The following IL1RAPL1 variants were observed in gnomAD, a reference collection of about 807,000 sequenced individuals.
IL1RAPL1 encodes the protein interleukin 1 receptor accessory protein like 1.
A neutral mutation model predicts 48.4 loss-of-function variants in IL1RAPL1; 3 were observed. That is an observed-to-expected ratio of 0.06 (90% confidence interval 0.03 to 0.16). The LOEUF is 0.16. IL1RAPL1 is among the 10% of genes least tolerant of loss of function. IL1RAPL1 has a pLI of 1.00. For missense variants in IL1RAPL1, 349 were observed against 530.6 expected, an observed-to-expected ratio of 0.66 and a Z score of 3.36; for synonymous variants, 185 against 187.7, an observed-to-expected ratio of 0.99 and a Z score of 0.12.
intron 3 of IL1RAPL1, among the ~76,000 whole-genome samples, chrX:29,395,711 A>G (rs918141899): frequency 8.9e-6 from 1 of 111,790 alleles, no homozygotes; most frequent in Non-Finnish European, 1.9e-5. Context: ...TTATCCAAGA[A>G]TGTGTTCTGC....
chrX:29,568,549 C>T (rs920858906), intron 5 of IL1RAPL1, among the ~76,000 whole-genome samples: 2 of 110,699 alleles, frequency 1.8e-5, no homozygotes, highest in Non-Finnish European at 3.8e-5. Flanking sequence ...ATTTCAACAG[C>T]ATTGAAATGG....
chrX:29,797,733 C>A (rs745610888), intron 6 of IL1RAPL1, among the ~76,000 whole-genome samples: 1 of 110,426 alleles, frequency 9.1e-6, no homozygotes, highest in Non-Finnish European at 1.9e-5. Flanking sequence ...ATTAGCCAGT[C>A]GCGGTGGCAC....
intron 6 of IL1RAPL1, among the ~76,000 whole-genome samples, chrX:29,695,548 C>T (rs1407095951): frequency 1.8e-5 from 2 of 108,761 alleles, no homozygotes; most frequent in African/African-American, 3.4e-5. Context: ...AGAGGGCCCT[C>T]GTCCTGGTTA....
chrX:29,711,043 G>GGTGTGTGTGTGT (rs768108356), intron 6 of IL1RAPL1, among the ~76,000 whole-genome samples: 89 of 69,153 alleles, frequency 1.3e-3, no homozygotes, highest in African/African-American at 1.6e-3. Flanking sequence ...CCATGAGCAT[G>GGTGTGTGTGTGT]GTGTGTGTGT....
In IL1RAPL1 at chrX:28,999,420, T is replaced by C. The variant is rs573509994; in HGVS notation, c.82+209995T>C. Among the ~76,000 whole-genome samples, 41 of 111,896 alleles carry C rather than the reference T, an allele frequency of 3.7e-4. No individual in the cohort carries two copies. The Middle Eastern group carries it at 0.018, about 50-fold the overall frequency. On this transcript the variant is annotated intron_variant, in intron 2 of 10. Transcript: ENST00000378993. ...TATTCACCCTGTCGTCTTGTGTTTA[T>C]GCTAGCCCAATCCCTGAGTTAATTT...
At chrX:28,789,491 A>G (rs1936511198) in intron 2 of IL1RAPL1, 66 bp downstream of exon 2, 2 of 787,324 alleles carry the variant, frequency 2.5e-6, no homozygotes, top group Non-Finnish European at 3.9e-6. Flanking sequence ...ACATCTACAC[A>G]TGTGCCATTA....
intron 1 of IL1RAPL1, among the ~76,000 whole-genome samples, chrX:28,644,021 A>G (rs1414188557): frequency 8.9e-6 from 1 of 111,928 alleles, no homozygotes; most frequent in Non-Finnish European, 1.9e-5. Flanking sequence ...AAAGTAGCTT[A>G]TTGATATTTA....
At chrX:29,312,034 C>G (rs1285226900) in intron 3 of IL1RAPL1, among the ~76,000 whole-genome samples, 4 of 111,708 alleles carry the variant, frequency 3.6e-5, no homozygotes, top group Admixed American at 9.5e-5. Context: ...CTGGTAAGTT[C>G]TAAGAAACAC....
At chrX:28,951,808 A>G (rs774827459) in intron 2 of IL1RAPL1, among the ~76,000 whole-genome samples, 2 of 112,073 alleles carry the variant, frequency 1.8e-5, no homozygotes. Flanking sequence ...CTAGATGGAA[A>G]AGGAAACACA....
chrX:29,406,246 G>A (rs187089016), intron 5 of IL1RAPL1, among the ~76,000 whole-genome samples: 3,564 of 110,222 alleles, frequency 0.032, 163 homozygotes, highest in African/African-American at 0.11. Flanking sequence ...AAAATTAGCC[G>A]GGCGTGGTGG....
chrX:28,690,823 A>G (rs1227946226), intron 1 of IL1RAPL1, among the ~76,000 whole-genome samples: 1 of 110,950 alleles, frequency 9.0e-6, no homozygotes, highest in Non-Finnish European at 1.9e-5. Flanking sequence ...TCATAACCAT[A>G]ACCATACCAA....
intron 2 of IL1RAPL1, among the ~76,000 whole-genome samples, chrX:28,858,608 T>C (rs1161582065): frequency 8.9e-6 from 1 of 112,639 alleles, no homozygotes. Context: ...AATTAAGTTA[T>C]GTACATTGTT....
intron 5 of IL1RAPL1, among the ~76,000 whole-genome samples, chrX:29,506,983 G>C (rs1200224919): frequency 1.8e-5 from 2 of 110,220 alleles, no homozygotes; most frequent in East Asian, 5.8e-4. Context: ...GTAGATTAGA[G>C]GAGAGGGAGT....
chrX:29,676,845 T>C (rs1421443158), intron 6 of IL1RAPL1, among the ~76,000 whole-genome samples: 1 of 111,910 alleles, frequency 8.9e-6, no homozygotes, highest in Non-Finnish European at 1.9e-5. Context: ...ATGCTGCTTT[T>C]CCCCTGACAA....
At chrX:29,542,555 CA>C (rs1921474707) in intron 5 of IL1RAPL1, among the ~76,000 whole-genome samples, 1 of 112,147 alleles carries the variant, frequency 8.9e-6, no homozygotes, top group East Asian at 2.8e-4. Context: ...CATAGCCCAC[CA>C]AAATCTTTCT....
At chrX:28,991,824 G>A (rs762818006) in intron 2 of IL1RAPL1, among the ~76,000 whole-genome samples, 104 of 112,280 alleles carry the variant, frequency 9.3e-4, no homozygotes, top group South Asian at 8.0e-3. Flanking sequence ...CACAGGTAGC[G>A]TTTATTTAAC....
intron 6 of IL1RAPL1, among the ~76,000 whole-genome samples, chrX:29,829,039 A>G (rs1930806369): frequency 9.0e-6 from 1 of 110,683 alleles, no homozygotes; most frequent in African/African-American, 3.3e-5. Context: ...AGCACTTCCA[A>G]AGCTGCTTCA....
chrX:29,115,326 T>C (rs1928657172), intron 2 of IL1RAPL1, among the ~76,000 whole-genome samples: 1 of 111,594 alleles, frequency 9.0e-6, no homozygotes, highest in Admixed American at 9.6e-5. Context: ...TTGATTGGGT[T>C]AATGGGATCT....
At chrX:28,741,257 A>G (rs1935903509) in intron 1 of IL1RAPL1, among the ~76,000 whole-genome samples, 1 of 111,064 alleles carries the variant, frequency 9.0e-6, no homozygotes, top group Non-Finnish European at 1.9e-5. Flanking sequence ...ATGTTATTTC[A>G]TTGTGGTTTG....
Sources: allele counts gnomAD v4.1 joint callset (sites outside exome capture counted in the v4.1 genomes callset), GRCh38; gene constraint gnomAD v4.1.1; transcripts MANE v1.5; gene names NCBI Gene and HGNC (gene_info 2026-07-23, HGNC 2026-07-21).